ATXN7L1: variants seen among roughly 807,000 people sequenced by gnomAD.
ATXN7L1 encodes the protein ataxin-7-like protein 1.
Under a neutral mutation model 70.8 loss-of-function variants are expected in ATXN7L1, and 15 were observed. That is an observed-to-expected ratio of 0.21 (90% CI 0.14 to 0.33). ATXN7L1 has a LOEUF of 0.33. Ranked by LOEUF, ATXN7L1 falls within the 10% of genes least tolerant of loss-of-function variation. ATXN7L1 has a pLI of 1.00. For missense variants in ATXN7L1, 975 were observed against 1,097.1 expected, an observed-to-expected ratio of 0.89 and a Z score of 1.57; for synonymous variants, 440 against 445.1, an observed-to-expected ratio of 0.99 and a Z score of 0.14.
chr7:105,815,771 T>C (rs952694009), intron 2 of ATXN7L1, among the ~76,000 whole-genome samples: 1 of 152,210 alleles, frequency 6.6e-6, no homozygotes, highest in South Asian at 2.1e-4. Context: ...CCCTGCATGA[T>C]GCTCGGCAGC....
intron 2 of ATXN7L1, among the ~76,000 whole-genome samples, chr7:105,804,016 A>G (rs1042481491): frequency 1.3e-5 from 2 of 152,162 alleles, no homozygotes; most frequent in Non-Finnish European, 2.9e-5. Context: ...CCTGACTCTC[A>G]GTGGGCAGGA....
Position 105,665,091 on chromosome 7 carries a change from C to G in ATXN7L1, c.553G>C (p.Ala185Pro). The G allele has an allele frequency of 6.4e-7, 1 of 1,551,410 alleles. No individual in the cohort carries two copies. Residue 185 changes from alanine (A) to proline (P), a missense_variant, in exon 4 of 12, where the codon GCG becomes CCG. Around this residue, in one of 5 missense-constraint regions of ATXN7L1, gnomAD observed 192 missense variants for 215.5 expected, o/e 0.89. Transcript: ENST00000419735. Reference protein sequence around the residue: ...SSSKQHTVFPAKGSRDKPCVP... With the variant: ...SSSKQHTVFPPKGSRDKPCVP... The stretch of plus-strand genomic sequence containing the variant: ...CATGGTTTATCCCTTGATCCTTTCG[C>G]AGGAAAGACTGTGTGCTGTTTGCTG...
chr7:105,609,496 C>T (rs1021835903), intron 11 of ATXN7L1, among the ~76,000 whole-genome samples: 11 of 151,388 alleles, frequency 7.3e-5, no homozygotes, highest in African/African-American at 2.2e-4. Flanking sequence ...GATAGGATCT[C>T]GCTCTGTTGC....
At chr7:105,684,518 A>C (rs547790019) in intron 3 of ATXN7L1, among the ~76,000 whole-genome samples, 6 of 152,258 alleles carry the variant, frequency 3.9e-5, no homozygotes, top group African/African-American at 1.4e-4. Flanking sequence ...TTTATTTGTG[A>C]TAGCTGCCTC....
At chr7:105,824,503 A>G (rs1200132287) in intron 2 of ATXN7L1, among the ~76,000 whole-genome samples, 1 of 152,164 alleles carries the variant, frequency 6.6e-6, no homozygotes, top group South Asian at 2.1e-4. Flanking sequence ...AAAAAGCAGA[A>G]AACAATCAAG....
rs116339492 is a variant in ATXN7L1 at position 105,791,456 on chromosome 7, G to A, written c.251-2748C>T. ...CCTGGGCCCAGCCAACACCCTGTGG[G>A]CAGGCAGGACCCTCAGTTCAGAGCC... On this transcript the variant is annotated intron_variant, in intron 2 of 11. Transcript: ENST00000419735. Among the ~76,000 whole-genome samples, 1,159 of 152,308 alleles carry A rather than the reference G, an allele frequency of 7.6e-3. 17 individuals are homozygous for A. Among genetic ancestry groups the A allele is most frequent in the African/African-American group, 0.027 (1,118 of 41,542 alleles).
intron 3 of ATXN7L1, among the ~76,000 whole-genome samples, chr7:105,692,403 T>TTCCTTCCTTCCTTCCTTCCTTCCC (rs1563009621): frequency 5.9e-5 from 4 of 68,068 alleles, no homozygotes; most frequent in African/African-American, 2.4e-4. Context: ...CCTTCCTTCC[T>TTCCTTCCTTCCTTCCTTCCTTCCC]TCCTTCCTTC....
At chr7:105,644,054 C>T (rs931188561) in intron 4 of ATXN7L1, among the ~76,000 whole-genome samples, 10 of 152,130 alleles carry the variant, frequency 6.6e-5, no homozygotes, top group African/African-American at 7.2e-5. Context: ...AACATGGGCT[C>T]CCCAGTCATC....
chr7:105,843,389 A>G (rs1279766571), intron 2 of ATXN7L1, among the ~76,000 whole-genome samples: 2 of 152,288 alleles, frequency 1.3e-5, no homozygotes, highest in African/African-American at 4.8e-5. Flanking sequence ...GCCTCAGAAA[A>G]GCCGGGGCAT....
chr7:105,827,157 CAGA>C (rs1419303547), intron 2 of ATXN7L1, among the ~76,000 whole-genome samples: 1 of 152,170 alleles, frequency 6.6e-6, no homozygotes, highest in Non-Finnish European at 1.5e-5. Context: ...GTCAAGAATA[CAGA>C]AGAAAATCTG....
At chr7:105,756,915 G>C (rs1799871711) in intron 3 of ATXN7L1, among the ~76,000 whole-genome samples, 1 of 152,074 alleles carries the variant, frequency 6.6e-6, no homozygotes, top group Admixed American at 6.5e-5. Context: ...CTAGTAGATG[G>C]GAGTTTTTTT....
At position 105,860,950 on chromosome 7, in the gene ATXN7L1, G is replaced by A. The variant is rs1017758952; in HGVS notation, c.250+14862C>T. Reference sequence around the variant, plus strand: ...AGTCTGCAGCAGTGCAAGGAGGTGCGAGATTTGGGGGCAAAGTACACGCTG... The same window carrying A: ...AGTCTGCAGCAGTGCAAGGAGGTGCAAGATTTGGGGGCAAAGTACACGCTG... On this transcript the variant is annotated intron_variant, in intron 2 of 11. Transcript: ENST00000419735. Among the ~76,000 whole-genome samples, 39 of 152,188 alleles carry A rather than the reference G, an allele frequency of 2.6e-4. 1 individual carries two copies. Among genetic ancestry groups the A allele is most frequent in the Non-Finnish European group, 8.8e-5 (6 of 68,042 alleles).
chr7:105,746,134 C>T (rs1798559029), intron 3 of ATXN7L1, among the ~76,000 whole-genome samples: 1 of 152,124 alleles, frequency 6.6e-6, no homozygotes, highest in South Asian at 2.1e-4. Context: ...CAGAATCTGG[C>T]TTTTCCTCAG....
At chr7:105,820,101 A>C in intron 2 of ATXN7L1, 1 of 267,356 alleles carries the variant, frequency 3.7e-6, no homozygotes, top group Non-Finnish European at 7.1e-6. Context: ...TCCTGATCTG[A>C]GCCCAGTAAA....
intron 7 of ATXN7L1, among the ~76,000 whole-genome samples, chr7:105,637,913 G>A (rs1797625126): frequency 1.3e-5 from 2 of 152,158 alleles, no homozygotes; most frequent in South Asian, 2.1e-4. Flanking sequence ...TCTAAGAGGT[G>A]CTAACGACCT....
intron 3 of ATXN7L1, among the ~76,000 whole-genome samples, chr7:105,670,867 G>A (rs1304418706): frequency 6.6e-6 from 1 of 152,130 alleles, no homozygotes; most frequent in Non-Finnish European, 1.5e-5. Context: ...AGCACTTTGG[G>A]AGGCCGAGGC....
At chr7:105,771,806 G>A (rs1376440549) in intron 3 of ATXN7L1, among the ~76,000 whole-genome samples, 2 of 152,044 alleles carry the variant, frequency 1.3e-5, no homozygotes, top group East Asian at 3.9e-4. Context: ...TGTTAAAAAC[G>A]TAATGGCAAT....
intron 3 of ATXN7L1, among the ~76,000 whole-genome samples, chr7:105,772,768 A>G (rs1363987674): frequency 6.6e-6 from 1 of 152,236 alleles, no homozygotes; most frequent in Admixed American, 6.5e-5. Flanking sequence ...TTTAAACAAA[A>G]TAAACAATAT....
intron 3 of ATXN7L1, among the ~76,000 whole-genome samples, chr7:105,746,683 C>A (rs1038505615): frequency 2.0e-5 from 3 of 152,196 alleles, no homozygotes; most frequent in Non-Finnish European, 4.4e-5. Context: ...CTATGTGGTT[C>A]TCTGTGAATC....
Sources: gnomAD v4.1 joint callset for allele counts (sites outside exome capture counted in the v4.1 genomes callset) on GRCh38, gnomAD v4.1.1 for gene constraint, gnomAD v4.1.1 regional missense constraint, MANE v1.5 for transcripts, NCBI Gene and HGNC (gene_info 2026-07-23, HGNC 2026-07-21) for gene names.